The following PAK1 variants were observed in gnomAD, a reference collection of about 807,000 sequenced individuals.
PAK1 encodes p21 (RAC1) activated kinase 1.
Under a neutral mutation model 67.4 loss-of-function variants are expected in PAK1, and 29 were observed. The observed-to-expected ratio is 0.43, with a 90% CI of 0.32 to 0.59. The LOEUF is 0.59. Among genes scored for constraint, PAK1 ranks in the 20% least tolerant of loss-of-function variants. The pLI is 0.07. For missense variants in PAK1, 337 were observed against 670.7 expected, an observed-to-expected ratio of 0.50 and a Z score of 5.50; for synonymous variants, 223 against 237.4, an observed-to-expected ratio of 0.94 and a Z score of 0.56.
intron 1 of PAK1, among the ~76,000 whole-genome samples, chr11:77,436,288 A>G (rs992627160): frequency 6.6e-6 from 1 of 152,222 alleles, no homozygotes; most frequent in African/African-American, 2.4e-5. Context: ...CAGCTGTTTA[A>G]TACTTTTGTT....
At chr11:77,403,727 C>T (rs1210143539) in intron 1 of PAK1, among the ~76,000 whole-genome samples, 1 of 152,158 alleles carries the variant, frequency 6.6e-6, no homozygotes, top group African/African-American at 2.4e-5. Flanking sequence ...ACTTAAGCAG[C>T]CAAATGTCCT....
intron 1 of PAK1, among the ~76,000 whole-genome samples, chr11:77,466,128 ATC>A (rs1957584632): frequency 6.6e-6 from 1 of 152,192 alleles, no homozygotes; most frequent in African/African-American, 2.4e-5. Flanking sequence ...GATGGACTAC[ATC>A]CCAGTGTATC....
intron 1 of PAK1, among the ~76,000 whole-genome samples, chr11:77,399,562 T>C (rs1050718145): frequency 5.3e-5 from 8 of 152,160 alleles, no homozygotes; most frequent in African/African-American, 1.7e-4. Flanking sequence ...CAAATGCATT[T>C]TTAAGAAATA....
intron 1 of PAK1, among the ~76,000 whole-genome samples, chr11:77,402,467 A>G (rs1194882456): frequency 6.6e-6 from 1 of 152,128 alleles, no homozygotes; most frequent in Non-Finnish European, 1.5e-5. Context: ...GGAAATTCCT[A>G]ATCTGCAACC....
At chr11:77,349,369 C>A in intron 8 of PAK1, 82 bp from the exon 9 acceptor site, 2 of 1,060,744 alleles carry the variant, frequency 1.9e-6, no homozygotes, top group South Asian at 2.7e-5. Flanking sequence ...GTTCTACACA[C>A]AATCTGTGAG....
chr11:77,337,664 G>A (rs1942929855), intron 11 of PAK1, among the ~76,000 whole-genome samples: 1 of 152,044 alleles, frequency 6.6e-6, no homozygotes, highest in African/African-American at 2.4e-5. Context: ...GTTTTTTTAA[G>A]TAAAGGAGTT....
At chr11:77,329,831 A>C (rs1363331237) in intron 14 of PAK1, among the ~76,000 whole-genome samples, 1 of 152,224 alleles carries the variant, frequency 6.6e-6, no homozygotes, top group Non-Finnish European at 1.5e-5. Context: ...TTAGGAAAAA[A>C]AGAAGTCAAA....
At chr11:77,407,446 C>T (rs1953764722) in intron 1 of PAK1, among the ~76,000 whole-genome samples, 1 of 152,188 alleles carries the variant, frequency 6.6e-6, no homozygotes, top group South Asian at 2.1e-4. Flanking sequence ...TCTAGTAAAT[C>T]TTGGTGTCTA....
intron 1 of PAK1, among the ~76,000 whole-genome samples, chr11:77,466,834 T>G (rs1479406638): frequency 2.0e-5 from 3 of 152,216 alleles, no homozygotes; most frequent in Non-Finnish European, 4.4e-5. Context: ...GCTTCAGATC[T>G]TAGCTGTGCT....
intron 1 of PAK1, among the ~76,000 whole-genome samples, chr11:77,393,142 A>T (rs1254645647): frequency 6.6e-6 from 1 of 151,758 alleles, no homozygotes; most frequent in Non-Finnish European, 1.5e-5. Context: ...AGAGTTCAGT[A>T]GTTGCAACAG....
At position 77,374,357 on chromosome 11, in the gene PAK1, C is replaced by T. The variant is rs750682827; in HGVS notation, c.448G>A (p.Ala150Thr). ...QKYMSFTDKS[A>T]EDYNSSNALN... is the part of the protein sequence containing the mutation. ...GCATTAGAAGAATTGTAATCCTCAG[C>T]TGACTTATCTGCACAGGAAGAAAAA... Residue 150 changes from alanine to threonine, a missense_variant, in exon 5 of 15, where the codon GCT (alanine) becomes ACT (threonine). Around this residue, in one of 8 missense-constraint regions of PAK1, gnomAD observed 150 missense variants for 179.0 expected, o/e 0.84. Coordinates refer to ENST00000356341, the MANE Select transcript of PAK1 (RefSeq NM_002576.5). The T allele has an allele frequency of 2.5e-6, 4 of 1,595,696 alleles. No individual in the cohort carries two copies. Among genetic ancestry groups the T allele is most frequent in the Non-Finnish European group, 2.6e-6 (3 of 1,163,452 alleles).
At chr11:77,466,510 G>C (rs1482906137) in intron 1 of PAK1, among the ~76,000 whole-genome samples, 4 of 152,070 alleles carry the variant, frequency 2.6e-5, no homozygotes, top group Non-Finnish European at 4.4e-5. Flanking sequence ...GGCTGAGGCA[G>C]GGGAATGGCG....
chr11:77,518,890 C>T, the PAK1 span, among the ~76,000 whole-genome samples: 2 of 152,126 alleles, frequency 1.3e-5, no homozygotes, highest in Non-Finnish European at 2.9e-5. Flanking sequence ...AAATTAGAAT[C>T]GTATTGTTTA....
At chr11:77,495,723 C>T in the PAK1 span, among the ~76,000 whole-genome samples, 1 of 152,142 alleles carries the variant, frequency 6.6e-6, no homozygotes, top group Non-Finnish European at 1.5e-5. Flanking sequence ...AAGGAAAGAA[C>T]TTCTTGCACA....
At chr11:77,377,480 A>T (rs1949249526) in intron 4 of PAK1, among the ~76,000 whole-genome samples, 1 of 152,224 alleles carries the variant, frequency 6.6e-6, no homozygotes, top group Non-Finnish European at 1.5e-5. Flanking sequence ...ACAAAAGTAG[A>T]TGTACACACG....
intron 1 of PAK1, among the ~76,000 whole-genome samples, chr11:77,401,232 GT>G (rs1201652981): frequency 2.0e-5 from 3 of 152,136 alleles, no homozygotes; most frequent in Admixed American, 2.0e-4. Flanking sequence ...GTGCCAGGAG[GT>G]TTTCTTTGGC....
At chr11:77,364,641 C>G (rs1001807037) in intron 5 of PAK1, among the ~76,000 whole-genome samples, 3 of 151,910 alleles carry the variant, frequency 2.0e-5, no homozygotes, top group African/African-American at 7.3e-5. Context: ...GAATTTTCAA[C>G]AAGAAATTAT....
the PAK1 span, among the ~76,000 whole-genome samples, chr11:77,491,024 C>A: frequency 6.6e-6 from 1 of 151,808 alleles, no homozygotes; most frequent in Non-Finnish European, 1.5e-5. Context: ...CTAGGAAAAC[C>A]AGAGACCTTT....
At chr11:77,389,242 T>C (rs930536289) in intron 2 of PAK1, among the ~76,000 whole-genome samples, 2 of 152,270 alleles carry the variant, frequency 1.3e-5, no homozygotes, top group African/African-American at 4.8e-5. Flanking sequence ...GGGTCATCCA[T>C]GTCATGGCAC....
Sources: gnomAD v4.1 joint callset for allele counts (sites outside exome capture counted in the v4.1 genomes callset) on GRCh38, gnomAD v4.1.1 for gene constraint, gnomAD v4.1.1 regional missense constraint, MANE v1.5 for transcripts, NCBI Gene and HGNC (gene_info 2026-07-23, HGNC 2026-07-21) for gene names.